The following PTPRR variants were observed in gnomAD, a reference collection of about 807,000 sequenced individuals.
PTPRR encodes the protein receptor-type tyrosine-protein phosphatase R.
PTPRR carries 38 observed loss-of-function variants against 77.2 expected under a neutral mutation model. The observed-to-expected ratio is 0.49, with a 90% CI of 0.38 to 0.65. The LOEUF is 0.65. Ranked by LOEUF, PTPRR falls within the 30% of genes least tolerant of loss-of-function variation. The probability of loss-of-function intolerance (pLI) is 0.00; values close to 1 mark genes in which losing one functional copy is unlikely to be tolerated. For synonymous variants in PTPRR, 299 were observed against 283.1 expected (o/e 1.06, Z -0.57); for missense variants, 744 against 799.2 (o/e 0.93, Z 0.83).
At chr12:70,707,531 T>C (rs975377418) in intron 6 of PTPRR, among the ~76,000 whole-genome samples, 3 of 152,142 alleles carry the variant, frequency 2.0e-5, no homozygotes, top group African/African-American at 7.2e-5. Flanking sequence ...ATTTAACCAA[T>C]ACTTTATTTT....
intron 6 of PTPRR, among the ~76,000 whole-genome samples, chr12:70,741,548 T>C (rs1395307678): frequency 6.6e-6 from 1 of 152,188 alleles, no homozygotes; most frequent in Non-Finnish European, 1.5e-5. Context: ...GGTGTTTTAT[T>C]GCATTTGAAG....
At chr12:70,820,393 G>A (rs1891984524) in intron 2 of PTPRR, among the ~76,000 whole-genome samples, 1 of 152,044 alleles carries the variant, frequency 6.6e-6, no homozygotes, top group Non-Finnish European at 1.5e-5. Flanking sequence ...GAGTGCAGTG[G>A]CGCGATCTCG....
chr12:70,754,376 A>G (rs548306428), intron 4 of PTPRR, 75 bp from the exon 5 acceptor site: 4 of 1,593,724 alleles, frequency 2.5e-6, no homozygotes, highest in East Asian at 4.5e-5. Context: ...GACACTAAAC[A>G]TATTTTTAGC....
At chr12:70,910,708 G>T (rs1026351195) in intron 1 of PTPRR, among the ~76,000 whole-genome samples, 17 of 152,152 alleles carry the variant, frequency 1.1e-4, no homozygotes, top group Non-Finnish European at 1.9e-4. Context: ...ACCAATGAAT[G>T]CCTGATGGGA....
At chr12:70,700,952 A>G (rs572623072) in intron 7 of PTPRR, among the ~76,000 whole-genome samples, 185 bp downstream of exon 7, 1 of 152,274 alleles carries the variant, frequency 6.6e-6, no homozygotes, top group East Asian at 1.9e-4. Flanking sequence ...GCCTTAATTT[A>G]GCTCTACATT....
rs116201977 is a variant in PTPRR at position 70,881,847 on chromosome 12, C to T, written c.357+10832G>A. Reference sequence around the variant, plus strand: ...CTGACACAATGAATAGATTCAACAGCGAGAAGAAGCAAATATATTTGAAAT... The same window carrying T: ...CTGACACAATGAATAGATTCAACAGTGAGAAGAAGCAAATATATTTGAAAT... On this transcript the variant is annotated intron_variant, in intron 2 of 13. Coordinates refer to ENST00000283228, the MANE Select transcript of PTPRR (RefSeq NM_002849.4). Among the ~76,000 whole-genome samples the T allele has an allele frequency of 4.2e-3, 644 of 152,162 alleles. 8 individuals carry two copies. The highest frequency in any genetic ancestry group is 0.015 in the African/African-American group (611 of 41,500).
At chr12:70,906,328 C>T (rs1893621424) in intron 1 of PTPRR, among the ~76,000 whole-genome samples, 1 of 151,790 alleles carries the variant, frequency 6.6e-6, no homozygotes, top group South Asian at 2.1e-4. Flanking sequence ...TTGCATGGTC[C>T]TGATTTTTTT....
intron 5 of PTPRR, among the ~76,000 whole-genome samples, chr12:70,746,710 G>A (rs1241041275): frequency 6.6e-6 from 1 of 150,992 alleles, no homozygotes; most frequent in Non-Finnish European, 1.5e-5. Context: ...ATTTTATTTC[G>A]ATACAGGATC....
At position 70,672,125 on chromosome 12, in the gene PTPRR, C is replaced by T; in HGVS notation, c.1498-9520G>A. On this transcript the variant is annotated intron_variant, in intron 10 of 13. Coordinates refer to ENST00000283228, the MANE Select transcript of PTPRR (RefSeq NM_002849.4). ...GCTCCCCAAAATGATGACACAGTTC[C>T]TAGAGCAGGGAGAGGCCATCCTCTC... The T allele has an allele frequency of 2.8e-6, 4 of 1,405,906 alleles. No homozygotes were observed. In the South Asian group the frequency reaches 4.8e-5, roughly 17 times the overall value. 87.1% of individuals were successfully genotyped at this position (1,405,906 alleles called of 1,614,324 possible). A position where few individuals can be genotyped will look rare whatever the true frequency, so the allele number is the denominator to read the frequency against.
intron 2 of PTPRR, among the ~76,000 whole-genome samples, chr12:70,864,907 G>A (rs562385667): frequency 7.2e-5 from 11 of 152,240 alleles, no homozygotes; most frequent in Non-Finnish European, 2.9e-5. Flanking sequence ...CACTTCCCGG[G>A]TTCAAGTGAT....
rs567626445 is a variant in PTPRR at position 70,892,771 on chromosome 12, C to A, written c.265G>T (p.Ala89Ser). Residue 89 changes from alanine to serine, a missense_variant, in exon 2 of 14, where the codon GCA becomes TCA. By Grantham distance (99) the Ala-to-Ser change is moderately conservative. Coordinates refer to ENST00000283228, the MANE Select transcript of PTPRR (RefSeq NM_002849.4). ...AGCAGATTGAGAGACGGGTCATATG[C>A]GGGTCTAGGAAATGCTGAATTGACA... The part of the protein sequence containing the change: ...QIVNSAFPRP[A>S]YDPSLNLLAM... 1.2e-6 allele frequency: 2 copies of A among 1,613,244 alleles called. No individual in the cohort carries two copies. The highest frequency in any genetic ancestry group is 1.1e-5 in the South Asian group (1 of 91,066).
intron 3 of PTPRR, among the ~76,000 whole-genome samples, chr12:70,762,417 A>C (rs1475485861): frequency 6.6e-6 from 1 of 152,162 alleles, no homozygotes; most frequent in African/African-American, 2.4e-5. Flanking sequence ...ACACATGGAG[A>C]GCTCTCATGC....
chr12:70,715,438 G>A (rs1888988148), intron 6 of PTPRR, among the ~76,000 whole-genome samples: 1 of 152,206 alleles, frequency 6.6e-6, no homozygotes, highest in South Asian at 2.1e-4. Flanking sequence ...CTTATCAGGA[G>A]ACAGGGTTTT....
chr12:70,643,977 G>C (rs1302173357), intron 13 of PTPRR, among the ~76,000 whole-genome samples: 2 of 152,070 alleles, frequency 1.3e-5, no homozygotes, highest in Non-Finnish European at 2.9e-5. Context: ...AAATGCTTAT[G>C]TTAGAACTAA....
chr12:70,739,913 G>A (rs1889991293), intron 6 of PTPRR, among the ~76,000 whole-genome samples: 1 of 152,112 alleles, frequency 6.6e-6, no homozygotes, highest in African/African-American at 2.4e-5. Context: ...CAGAGAGCAT[G>A]GAATAGAAGG....
intron 6 of PTPRR, among the ~76,000 whole-genome samples, chr12:70,716,337 A>C (rs1889029507): frequency 1.5e-5 from 1 of 65,760 alleles, no homozygotes; most frequent in Non-Finnish European, 3.6e-5. Context: ...TCTTCTAAGT[A>C]AAAAAAAAAA....
intron 2 of PTPRR, among the ~76,000 whole-genome samples, chr12:70,830,626 C>T (rs999468529): frequency 1.3e-5 from 2 of 152,202 alleles, no homozygotes; most frequent in African/African-American, 2.4e-5. Flanking sequence ...ATATTTTAAG[C>T]TATAAAAGTG....
chr12:70,854,497 G>A (rs1892621300), intron 2 of PTPRR, among the ~76,000 whole-genome samples: 2 of 152,202 alleles, frequency 1.3e-5, no homozygotes, highest in South Asian at 4.1e-4. Flanking sequence ...TATGCTTAGT[G>A]TTGCACATGC....
At chr12:70,843,533 T>C (rs1892431441) in intron 2 of PTPRR, among the ~76,000 whole-genome samples, 3 of 152,292 alleles carry the variant, frequency 2.0e-5, no homozygotes, top group South Asian at 4.1e-4. Flanking sequence ...CTGTAAGATA[T>C]ATGGAATGAA....
Sources: allele counts gnomAD v4.1 joint callset (sites outside exome capture counted in the v4.1 genomes callset), GRCh38; gene constraint gnomAD v4.1.1; transcripts MANE v1.5; gene names NCBI Gene and HGNC (gene_info 2026-07-23, HGNC 2026-07-21).